MAMLD1: variants seen among roughly 807,000 people sequenced by gnomAD.
MAMLD1 encodes the protein mastermind like domain containing 1.
Under a neutral mutation model 45.0 loss-of-function variants are expected in MAMLD1, and 14 were observed. The observed-to-expected ratio is 0.31, with a 90% CI of 0.21 to 0.49. MAMLD1 has a LOEUF of 0.49. Ranked by LOEUF, MAMLD1 falls within the 20% of genes least tolerant of loss-of-function variation. The probability of loss-of-function intolerance (pLI) is 0.99; values close to 1 mark genes in which losing one functional copy is unlikely to be tolerated. For missense variants in MAMLD1, 543 were observed against 603.6 expected (o/e 0.90, Z 1.05); for synonymous variants, 254 against 247.8 (o/e 1.02, Z -0.24).
At position 150,513,915 on chromosome X, in the gene MAMLD1, G is replaced by C. The variant is rs1557409379; in HGVS notation, c.*1956G>C. The C allele has an allele frequency of 6.8e-6, 2 of 295,839 alleles. No individual in the cohort carries two copies. The highest frequency in any genetic ancestry group is 2.7e-5 in the African/African-American group (1 of 36,450). 24.4% of individuals were successfully genotyped at this position (295,839 alleles called of 1,213,427 possible). ...TTTTGATGTAAGGCTCTGTGGTTTG[G>C]GGGGGAACATCTGTAAACATTATTA... On this transcript the variant is annotated 3_prime_UTR_variant, in exon 8 of 8. Transcript: ENST00000370401.
At chrX:150,508,501 G>C (rs1028407573) in intron 6 of MAMLD1, among the ~76,000 whole-genome samples, 9 of 112,166 alleles carry the variant, frequency 8.0e-5, no homozygotes, top group Admixed American at 1.9e-4. Flanking sequence ...GCAGGCTAAG[G>C]GCGGGATAGA....
intron 1 of MAMLD1, among the ~76,000 whole-genome samples, chrX:150,418,270 G>A (rs1483771063): frequency 9.0e-6 from 1 of 111,153 alleles, no homozygotes. Context: ...TATTTCTGTG[G>A]GATCGGTGGT....
At chrX:150,409,458 T>C (rs1252065873) in intron 1 of MAMLD1, among the ~76,000 whole-genome samples, 10 of 110,696 alleles carry the variant, frequency 9.0e-5, no homozygotes, top group African/African-American at 3.3e-4. Context: ...GGTCTCTCAG[T>C]GGGAAGTTCA....
At chrX:150,455,983 G>A (rs2035851578) in intron 2 of MAMLD1, among the ~76,000 whole-genome samples, 1 of 110,829 alleles carries the variant, frequency 9.0e-6, no homozygotes, top group African/African-American at 3.3e-5. Context: ...TGAGGTCACT[G>A]CTATCTGGCA....
intron 5 of MAMLD1, among the ~76,000 whole-genome samples, chrX:150,481,963 A>AG (rs1557407253): frequency 1.2e-4 from 10 of 82,725 alleles, no homozygotes; most frequent in Middle Eastern, 5.6e-3. Context: ...GAAAGAAAGA[A>AG]AAAAGAAAGA....
intron 5 of MAMLD1, among the ~76,000 whole-genome samples, chrX:150,502,990 A>AC (rs1369851489): frequency 9.0e-6 from 1 of 110,653 alleles, no homozygotes; most frequent in Non-Finnish European, 1.9e-5. Context: ...GGTCCAGAAA[A>AC]CCCCCCCAAA....
rs1043399033 is a variant in MAMLD1, at chrX:150,514,117, G to A, written c.*2158G>A. 1 of 237,621 alleles carries A rather than the reference G, an allele frequency of 4.2e-6. No homozygotes were observed. Among genetic ancestry groups the A allele is most frequent in the African/African-American group, 2.8e-5 (1 of 35,315 alleles). 19.6% of individuals were successfully genotyped at this position (237,621 alleles called of 1,213,427 possible). ...TTCACCTCTACATTTGAAATCTGGC[G>A]TCTGTTTCAAGCCAGTGTGTTTTTT... On this transcript the variant is annotated 3_prime_UTR_variant, in exon 8 of 8. Coordinates refer to ENST00000370401, the MANE Select transcript of MAMLD1 (RefSeq NM_005491.5).
intron 5 of MAMLD1, among the ~76,000 whole-genome samples, chrX:150,478,420 G>A (rs782185411): frequency 8.9e-6 from 1 of 112,320 alleles, no homozygotes; most frequent in South Asian, 3.7e-4. Flanking sequence ...CTGTCACCTT[G>A]GACTTACAGG....
intron 5 of MAMLD1, 101 bp downstream of exon 5, chrX:150,473,903 A>T (rs2036506783): frequency 1.1e-6 from 1 of 905,417 alleles, no homozygotes; most frequent in South Asian, 2.0e-5. Context: ...GAGAATTCTT[A>T]ATTATTGGGG....
chrX:150,383,628 G>A (rs1016184609), intron 1 of MAMLD1, among the ~76,000 whole-genome samples: 13 of 110,761 alleles, frequency 1.2e-4, no homozygotes, highest in Non-Finnish European at 1.9e-4. Flanking sequence ...ACATACCACC[G>A]AATTCACCCA....
chrX:150,420,407 A>G (rs2034449119), intron 1 of MAMLD1, among the ~76,000 whole-genome samples: 1 of 107,473 alleles, frequency 9.3e-6, no homozygotes, highest in African/African-American at 3.4e-5. Flanking sequence ...GCTCAGAGTA[A>G]TTTGATCGTC....
chrX:150,381,629 T>C (rs782533255), intron 1 of MAMLD1, among the ~76,000 whole-genome samples: 6 of 112,531 alleles, frequency 5.3e-5, no homozygotes, highest in Admixed American at 1.9e-4. Flanking sequence ...AATTCAATCA[T>C]ATAGCATGTG....
intron 5 of MAMLD1, among the ~76,000 whole-genome samples, chrX:150,496,966 T>C (rs781951289): frequency 2.7e-5 from 3 of 112,918 alleles, no homozygotes; most frequent in Non-Finnish European, 3.7e-5. Flanking sequence ...AGTAGCAATT[T>C]ATCAGTTGAA....
rs1201639687 is a variant in MAMLD1, at chrX:150,412,721, G to GT, written c.-63-32725dup. ...TTTTTGTTTGTTTTTTTGTTTGTTT[G>GT]TTTTTTTTAATGAAACAGGGTCTCA... is the stretch of plus-strand genomic sequence containing the variant. On this transcript the variant is annotated intron_variant, in intron 1 of 7. Transcript: ENST00000370401. Among the ~76,000 whole-genome samples the GT allele has an allele frequency of 7.4e-5, 8 of 108,391 alleles. No individual in the cohort carries two copies. The East Asian group carries it at 8.7e-4, about 12-fold the overall frequency. 94.1% of individuals were successfully genotyped at this position (108,391 alleles called of 115,157 possible).
At chrX:150,362,451 T>TCTC (rs1355653258), upstream of MAMLD1, among the ~76,000 whole-genome samples, 3 of 108,452 alleles carry the variant, frequency 2.8e-5, no homozygotes, top group African/African-American at 1.0e-4. Context: ...TCTCCTCTCC[T>TCTC]CTCATCTCCT....
In MAMLD1 at chrX:150,382,883, T is replaced by TA. The variant is rs1298617698; in HGVS notation, c.-64+19353_-64+19354insA. Among the ~76,000 whole-genome samples, 9 of 19,736 alleles carry TA rather than the reference T, an allele frequency of 4.6e-4. 2 individuals carry two copies. Among genetic ancestry groups the TA allele is most frequent in the African/African-American group, 4.2e-3 (5 of 1,181 alleles). 17.1% of individuals were successfully genotyped at this position (19,736 alleles called of 115,157 possible). On this transcript the variant is annotated intron_variant, in intron 1 of 7. Transcript: ENST00000370401. ...TACAAATATTTTGTCCCATTTTATT[T>TA]TATTTTTTTTTTTTTTTATTTTTTA... is the stretch of plus-strand genomic sequence containing the variant.
chrX:150,423,744 G>T (rs1329035908), intron 1 of MAMLD1, among the ~76,000 whole-genome samples: 7 of 111,416 alleles, frequency 6.3e-5, no homozygotes, highest in African/African-American at 2.3e-4. Flanking sequence ...AAGCTTAAGG[G>T]AATTAAGCCT....
chrX:150,481,640 G>C (rs1557407184), intron 5 of MAMLD1, among the ~76,000 whole-genome samples: 1 of 109,726 alleles, frequency 9.1e-6, no homozygotes, highest in Non-Finnish European at 1.9e-5. Flanking sequence ...TGCCAGCCTG[G>C]GCAACATAGT....
chrX:150,385,582 G>T (rs2032887953), intron 1 of MAMLD1, among the ~76,000 whole-genome samples: 2 of 111,112 alleles, frequency 1.8e-5, no homozygotes, highest in African/African-American at 6.5e-5. Context: ...TAAATGAAAT[G>T]GAATCATCAT....
Sources: allele counts gnomAD v4.1 joint callset (sites outside exome capture counted in the v4.1 genomes callset), GRCh38; gene constraint gnomAD v4.1.1; transcripts MANE v1.5; gene names NCBI Gene and HGNC (gene_info 2026-07-23, HGNC 2026-07-21).